The following DCC variants were observed in gnomAD, a reference collection of about 807,000 sequenced individuals.
The protein encoded by DCC is netrin receptor DCC.
Under a neutral mutation model 172.5 loss-of-function variants are expected in DCC, and 58 were observed. That is an observed-to-expected ratio of 0.34 (90% CI 0.27 to 0.42). DCC has a LOEUF of 0.42. DCC is among the 10% of genes least tolerant of loss of function. DCC has a pLI of 1.00. For missense variants in DCC, 1,740 were observed against 1,791.0 expected (o/e 0.97, Z 0.51); for synonymous variants, 709 against 644.5 (o/e 1.10, Z -1.52).
At chr18:52,473,443 T>C (rs1989002501) in intron 1 of DCC, among the ~76,000 whole-genome samples, 1 of 152,208 alleles carries the variant, frequency 6.6e-6, no homozygotes, top group Non-Finnish European at 1.5e-5. Context: ...ATGCTGCTAA[T>C]AAAAACATAC....
At chr18:53,033,543 T>C (rs1230091675) in intron 5 of DCC, among the ~76,000 whole-genome samples, 1 of 152,174 alleles carries the variant, frequency 6.6e-6, no homozygotes, top group Non-Finnish European at 1.5e-5. Context: ...TATGTTTGCG[T>C]CCTGCATGCT....
chr18:53,257,574 A>G (rs1319837760), intron 12 of DCC, among the ~76,000 whole-genome samples: 6 of 152,238 alleles, frequency 3.9e-5, no homozygotes, highest in Non-Finnish European at 2.9e-5. Context: ...ACTTGATCAT[A>G]GTGGATAAGC....
chr18:52,887,500 A>G lies in DCC; in HGVS notation c.413-18544A>G, dbSNP rs1442564526. 2.0e-5 allele frequency among the ~76,000 whole-genome samples: 3 copies of G among 152,220 alleles called. No homozygotes were observed. The South Asian group carries it at 6.2e-4, about 31-fold the overall frequency. ...TACTATGCAATTAAGACTTAAGGAT[A>G]CTAATCTTAAACTTTTATTTTTAGA... is the stretch of plus-strand genomic sequence containing the variant. On this transcript the variant is annotated intron_variant, in intron 2 of 28. Transcript: ENST00000442544.
intron 1 of DCC, among the ~76,000 whole-genome samples, chr18:52,469,859 A>G (rs1009870495): frequency 5.3e-5 from 8 of 152,222 alleles, no homozygotes; most frequent in Non-Finnish European, 8.8e-5. Context: ...TCCAGCTGCC[A>G]GATGAAGAGT....
At chr18:53,182,058 C>T (rs1017692883) in intron 9 of DCC, among the ~76,000 whole-genome samples, 14 of 152,218 alleles carry the variant, frequency 9.2e-5, no homozygotes, top group African/African-American at 3.4e-4. Context: ...CAGAGCACCT[C>T]ACTGGACCCA....
At chr18:52,490,892 G>A (rs1297758443) in intron 1 of DCC, among the ~76,000 whole-genome samples, 1 of 152,078 alleles carries the variant, frequency 6.6e-6, no homozygotes, top group Admixed American at 6.6e-5. Flanking sequence ...AAAATAAGGA[G>A]TTGTGCTTTT....
chr18:53,033,005 T>C lies in DCC; in HGVS notation c.986-30300T>C, dbSNP rs1230680800. Reference sequence around the variant, plus strand: ...TTAATGAGTTGAGAATTCTCTGCTTTAGTATGCTTTACATTCAGGTTAAAT... The same window carrying C: ...TTAATGAGTTGAGAATTCTCTGCTTCAGTATGCTTTACATTCAGGTTAAAT... On this transcript the variant is annotated intron_variant, in intron 5 of 28. Coordinates refer to ENST00000442544, the MANE Select transcript of DCC (RefSeq NM_005215.4). Among the ~76,000 whole-genome samples, 4 of 152,152 alleles carry C rather than the reference T, an allele frequency of 2.6e-5. No individual in the cohort carries two copies. The East Asian group carries it at 5.8e-4, about 22-fold the overall frequency.
At chr18:52,953,179 G>C (rs147287534) in intron 5 of DCC, among the ~76,000 whole-genome samples, 1 of 151,916 alleles carries the variant, frequency 6.6e-6, no homozygotes, top group African/African-American at 2.4e-5. Context: ...AAATATTTAC[G>C]TTTTAAATGA....
chr18:52,529,693 T>C (rs2032090379), intron 1 of DCC, among the ~76,000 whole-genome samples: 1 of 152,176 alleles, frequency 6.6e-6, no homozygotes, highest in Non-Finnish European at 1.5e-5. Context: ...TGTCCAATTA[T>C]TACACTCACT....
chr18:52,428,471 A>G (rs1987516080), intron 1 of DCC, among the ~76,000 whole-genome samples: 1 of 152,158 alleles, frequency 6.6e-6, no homozygotes, highest in Non-Finnish European at 1.5e-5. Context: ...CAGACCTACA[A>G]GGAGATACAT....
chr18:52,363,760 T>A (rs2144276256), intron 1 of DCC, among the ~76,000 whole-genome samples: 1 of 152,312 alleles, frequency 6.6e-6, no homozygotes, highest in African/African-American at 2.4e-5. Context: ...GATTGGTAAA[T>A]ATTTGCTATC....
intron 5 of DCC, among the ~76,000 whole-genome samples, chr18:53,012,688 TAAAAG>T (rs1480728345): frequency 1.3e-5 from 2 of 152,080 alleles, no homozygotes; most frequent in African/African-American, 2.4e-5. Context: ...TGTCAATAAA[TAAAAG>T]AAATACAGTG....
In DCC at chr18:53,397,419, A is replaced by T; in HGVS notation, c.2800A>T (p.Thr934Ser). Residue 934 changes from threonine to serine, a missense_variant, in exon 18 of 29, where the codon ACT (threonine) becomes TCT (serine). This residue lies in a region of DCC where 1,732 missense variants were observed against 1,767.4 expected (regional missense o/e 0.98). Transcript: ENST00000442544. ...CAGAAGGTCCAGTACTTGGAGCATG[A>T]CTGCACATGCCACCACGTATGAAGC... The part of the protein sequence containing the change: ...KNRRSSTWSM[T>S]AHATTYEAAP... 6.2e-7 allele frequency: 1 copy of T among 1,614,064 alleles called. No homozygotes were observed. The highest frequency in any genetic ancestry group is 1.7e-5 in the Admixed American group (1 of 60,026).
chr18:53,357,320 T>A (rs1312987257), intron 15 of DCC, among the ~76,000 whole-genome samples: 2 of 152,204 alleles, frequency 1.3e-5, no homozygotes, highest in Non-Finnish European at 2.9e-5. Flanking sequence ...TGTGGAGAAA[T>A]GAACCTTTAT....
At chr18:52,727,322 T>G (rs2145087539) in intron 1 of DCC, among the ~76,000 whole-genome samples, 1 of 152,320 alleles carries the variant, frequency 6.6e-6, no homozygotes, top group African/African-American at 2.4e-5. Flanking sequence ...GGGAAATTTC[T>G]TAGTTTTCTG....
At chr18:52,411,714 A>G (rs889620375) in intron 1 of DCC, among the ~76,000 whole-genome samples, 1 of 152,192 alleles carries the variant, frequency 6.6e-6, no homozygotes. Context: ...CATATTAGTC[A>G]AATGGCTTTA....
chr18:52,745,059 C>T (rs1340288109), intron 1 of DCC, among the ~76,000 whole-genome samples: 1 of 152,046 alleles, frequency 6.6e-6, no homozygotes, highest in Non-Finnish European at 1.5e-5. Flanking sequence ...CATTTGGGGC[C>T]CAAACAGTGT....
chr18:53,257,340 G>A (rs910456938), intron 12 of DCC, among the ~76,000 whole-genome samples: 5 of 152,084 alleles, frequency 3.3e-5, no homozygotes, highest in Admixed American at 6.5e-5. Flanking sequence ...TATGATATTG[G>A]CTGTGGGTTT....
intron 12 of DCC, among the ~76,000 whole-genome samples, chr18:53,234,664 C>G (rs542661759): frequency 6.6e-6 from 1 of 152,190 alleles, no homozygotes; most frequent in Non-Finnish European, 1.5e-5. Flanking sequence ...ATAGGCACAT[C>G]CAAATCCCTT....
Sources: gnomAD v4.1 joint callset for allele counts (sites outside exome capture counted in the v4.1 genomes callset) on GRCh38, gnomAD v4.1.1 for gene constraint, gnomAD v4.1.1 regional missense constraint, MANE v1.5 for transcripts, NCBI Gene and HGNC (gene_info 2026-07-23, HGNC 2026-07-21) for gene names.